Variants in DMC1 observed in about 807,000 individuals in gnomAD.
DMC1 encodes meiotic recombination protein DMC1 homolog.
DMC1 carries 27 observed loss-of-function variants against 50.1 expected under a neutral mutation model. That is an observed-to-expected ratio of 0.54 (90% CI 0.40 to 0.74). The LOEUF is 0.74. Among genes scored for constraint, DMC1 ranks in the 30% least tolerant of loss-of-function variants. The pLI is 0.00. For synonymous variants in DMC1, 148 were observed against 136.1 expected, an observed-to-expected ratio of 1.09 and a Z score of -0.61; for missense variants, 295 against 420.2, an observed-to-expected ratio of 0.70 and a Z score of 2.60.
intron 12 of DMC1, among the ~76,000 whole-genome samples, chr22:38,528,274 G>C (rs879777529): frequency 1.3e-5 from 2 of 151,534 alleles, no homozygotes; most frequent in Non-Finnish European, 2.9e-5. Flanking sequence ...ATGTTAGCCA[G>C]GATGGTCTCA....
the DMC1 span, among the ~76,000 whole-genome samples, chr22:38,513,806 T>A: frequency 6.6e-6 from 1 of 152,216 alleles, no homozygotes. Flanking sequence ...CCTCAGGTGA[T>A]CCGCCCTCCT....
chr22:38,524,195 T>G (rs909587193), intron 12 of DMC1, among the ~76,000 whole-genome samples: 1 of 152,092 alleles, frequency 6.6e-6, no homozygotes, highest in African/African-American at 2.4e-5. Context: ...GCAGGCAGAT[T>G]GCAAGGTCAG....
At chr22:38,557,448 G>A (rs1395950081) in intron 5 of DMC1, among the ~76,000 whole-genome samples, 1 of 152,168 alleles carries the variant, frequency 6.6e-6, no homozygotes, top group East Asian at 1.9e-4. Flanking sequence ...GCTCATGTCT[G>A]TAATCTTAGC....
intron 12 of DMC1, among the ~76,000 whole-genome samples, chr22:38,531,988 T>C (rs1317541804): frequency 6.6e-6 from 1 of 152,192 alleles, no homozygotes; most frequent in African/African-American, 2.4e-5. Context: ...CTTCTAACTC[T>C]AGAGTGACAG....
At chr22:38,509,615 GC>G in the DMC1 span, among the ~76,000 whole-genome samples, 2 of 152,034 alleles carry the variant, frequency 1.3e-5, no homozygotes, top group African/African-American at 2.4e-5. Flanking sequence ...GATCTTGGAG[GC>G]CCACAAGGAA....
intron 12 of DMC1, among the ~76,000 whole-genome samples, chr22:38,530,164 G>A (rs2090138309): frequency 6.6e-6 from 1 of 151,872 alleles, no homozygotes; most frequent in Admixed American, 6.6e-5. Context: ...ATGCAGTTTT[G>A]CCATGTTGGC....
At chr22:38,561,142 G>C (rs184824479) in intron 5 of DMC1, among the ~76,000 whole-genome samples, 19 of 151,452 alleles carry the variant, frequency 1.3e-4, no homozygotes, top group African/African-American at 1.9e-4. Context: ...TGAGTAGCTA[G>C]AACTACAGGT....
At chr22:38,518,803 G>A (rs1159211213), downstream of DMC1, 1 of 152,228 alleles carries the variant, frequency 6.6e-6, no homozygotes, top group Non-Finnish European at 1.5e-5. Flanking sequence ...AAAGAGCTGG[G>A]ATTATAGGTG....
At chr22:38,550,946 A>AAAAAG (rs2090399757) in intron 7 of DMC1, among the ~76,000 whole-genome samples, 24 of 111,402 alleles carry the variant, frequency 2.2e-4, no homozygotes, top group East Asian at 1.5e-3. Context: ...AAAAAAAAAA[A>AAAAAG]AAAGAAAGAA....
intron 12 of DMC1, among the ~76,000 whole-genome samples, chr22:38,533,332 C>G (rs747337268): frequency 5.6e-5 from 8 of 142,874 alleles, no homozygotes; most frequent in Non-Finnish European, 9.0e-5. Context: ...GGAGGCGGAG[C>G]TTGCAGTGAG....
chr22:38,541,191 T>C (rs2145879798), intron 8 of DMC1, among the ~76,000 whole-genome samples: 1 of 152,264 alleles, frequency 6.6e-6, no homozygotes, highest in East Asian at 1.9e-4. Flanking sequence ...CCTGGACCCA[T>C]TTAGATTAAG....
At chr22:38,538,507 G>A (rs1569159482) in intron 10 of DMC1, 32 bp downstream of exon 10, 2 of 1,607,086 alleles carry the variant, frequency 1.2e-6, no homozygotes, top group Admixed American at 1.7e-5. Flanking sequence ...ATGCTAAATA[G>A]CTCTGTGAAA....
downstream of DMC1, among the ~76,000 whole-genome samples, chr22:38,516,814 A>C (rs978852022): frequency 4.6e-5 from 7 of 151,994 alleles, no homozygotes; most frequent in Non-Finnish European, 8.8e-5. Flanking sequence ...CCAGTTGAAT[A>C]ATCTTTTTCT....
chr22:38,523,700 G>A (rs112792077), intron 12 of DMC1, among the ~76,000 whole-genome samples: 53 of 151,932 alleles, frequency 3.5e-4, no homozygotes, highest in East Asian at 2.5e-3. Flanking sequence ...CTCGGAAGGC[G>A]GAGGCTGCAG....
At chr22:38,556,706 C>A (rs2145970856) in intron 5 of DMC1, among the ~76,000 whole-genome samples, 1 of 152,212 alleles carries the variant, frequency 6.6e-6, no homozygotes, top group East Asian at 1.9e-4. Context: ...GTGCTAAGAC[C>A]TGGTAGGGGC....
intron 1 of DMC1, chr22:38,568,546 C>T: frequency 2.0e-6 from 1 of 494,222 alleles, no homozygotes; most frequent in South Asian, 2.4e-5. Flanking sequence ...TTAGTTTCTT[C>T]TCTTTCCCCA....
chr22:38,543,416 A>G (rs1320123966), intron 8 of DMC1, among the ~76,000 whole-genome samples: 6 of 152,004 alleles, frequency 3.9e-5, no homozygotes, highest in Admixed American at 3.9e-4. Context: ...TTTTTAGTAG[A>G]GATGGGGTTT....
At chr22:38,551,368 G>A (rs531932778) in intron 7 of DMC1, among the ~76,000 whole-genome samples, 15 of 151,390 alleles carry the variant, frequency 9.9e-5, no homozygotes, top group East Asian at 7.8e-4. Flanking sequence ...TCACTTTGTC[G>A]CCCAGGCTGG....
At chr22:38,540,192 C>T (rs959174301) in intron 8 of DMC1, among the ~76,000 whole-genome samples, 5 of 151,920 alleles carry the variant, frequency 3.3e-5, no homozygotes, top group Non-Finnish European at 2.9e-5. Context: ...ATTACAGGCG[C>T]GAGCCATCAT....
Sources: gnomAD v4.1 joint callset for allele counts (sites outside exome capture counted in the v4.1 genomes callset) on GRCh38, gnomAD v4.1.1 for gene constraint, MANE v1.5 for transcripts, NCBI Gene and HGNC (gene_info 2026-07-23, HGNC 2026-07-21) for gene names.